ASIC2: variants seen among roughly 807,000 people sequenced by gnomAD.
ASIC2 encodes the protein acid-sensing ion channel 2.
A neutral mutation model predicts 57.3 loss-of-function variants in ASIC2; 25 were observed. That is an observed-to-expected ratio of 0.44 (90% CI 0.32 to 0.61). The LOEUF (loss-of-function observed/expected upper bound fraction) is 0.61, where lower values mean the gene tolerates loss of function less well. ASIC2 is among the 20% of genes least tolerant of loss of function. The probability of loss-of-function intolerance (pLI) is 0.06; values close to 1 mark genes in which losing one functional copy is unlikely to be tolerated. For synonymous variants in ASIC2, 319 were observed against 307.5 expected (o/e 1.04, Z -0.39); for missense variants, 641 against 738.1 (o/e 0.87, Z 1.52).
At chr17:33,955,494 G>C (rs974699263) in intron 1 of ASIC2, 1 of 152,210 alleles carries the variant, frequency 6.6e-6, no homozygotes, top group Non-Finnish European at 1.5e-5. Flanking sequence ...CTTCACCCCA[G>C]TGGTGCTGCT....
intron 1 of ASIC2, among the ~76,000 whole-genome samples, chr17:34,027,343 G>T (rs535472913): frequency 6.6e-6 from 1 of 152,078 alleles, no homozygotes; most frequent in Non-Finnish European, 1.5e-5. Context: ...ATTTAAGTTC[G>T]CTGACATCTT....
At chr17:33,424,068 G>C (rs1014463371) in intron 1 of ASIC2, among the ~76,000 whole-genome samples, 12 of 152,286 alleles carry the variant, frequency 7.9e-5, no homozygotes, top group South Asian at 4.1e-4. Flanking sequence ...GATGCCTTGG[G>C]GGGCTGGCAT....
chr17:33,765,390 G>A (rs915048532), intron 1 of ASIC2, among the ~76,000 whole-genome samples: 2 of 152,100 alleles, frequency 1.3e-5, no homozygotes, highest in African/African-American at 2.4e-5. Context: ...TTACAGGCGT[G>A]AGCCACCGCG....
chr17:33,761,048 G>A (rs992222933), intron 1 of ASIC2, among the ~76,000 whole-genome samples: 1 of 152,188 alleles, frequency 6.6e-6, no homozygotes, highest in Admixed American at 6.5e-5. Flanking sequence ...ACACCTGGAT[G>A]AGTGTGTACC....
intron 1 of ASIC2, among the ~76,000 whole-genome samples, chr17:33,714,804 AC>A (rs1337978174): frequency 9.3e-5 from 12 of 129,208 alleles, no homozygotes; most frequent in African/African-American, 2.7e-4. Context: ...TGATTCTGTG[AC>A]CTTTTTTTTT....
chr17:33,892,751 T>C (rs564323141), intron 1 of ASIC2, among the ~76,000 whole-genome samples: 10 of 152,332 alleles, frequency 6.6e-5, no homozygotes, highest in African/African-American at 2.4e-4. Flanking sequence ...AAAGTTACAA[T>C]GCAGGCAGTG....
chr17:33,842,813 A>G (rs1474771330), intron 1 of ASIC2, among the ~76,000 whole-genome samples: 1 of 152,158 alleles, frequency 6.6e-6, no homozygotes, highest in Admixed American at 6.5e-5. Context: ...GCCCACGAGA[A>G]CCCACTCACT....
At chr17:33,502,514 G>C (rs961272036) in intron 1 of ASIC2, among the ~76,000 whole-genome samples, 3 of 152,214 alleles carry the variant, frequency 2.0e-5, no homozygotes, top group Non-Finnish European at 4.4e-5. Flanking sequence ...CAAACTCCAG[G>C]GAAAGGGCAA....
rs7224859 is a variant in ASIC2 at position 33,364,136 on chromosome 17, T to G, written c.556-252069A>C. On this transcript the variant is annotated intron_variant, in intron 1 of 9. Coordinates refer to the ASIC2 transcript ENST00000359872. ...GGAGAAGGGTCACAAGTGGAACTCA[T>G]AGTCTAGGGCTCTTTCTGCAGCACC... is the stretch of plus-strand genomic sequence containing the variant. Among the ~76,000 whole-genome samples the G allele has an allele frequency of 5.7e-3, 870 of 152,282 alleles. 4 individuals carry two copies. Among genetic ancestry groups the G allele is most frequent in the African/African-American group, 0.02 (827 of 41,560 alleles).
At chr17:33,233,156 A>G (rs577184052) in intron 1 of ASIC2, among the ~76,000 whole-genome samples, 168 of 151,484 alleles carry the variant, frequency 1.1e-3, no homozygotes, top group African/African-American at 3.9e-3. Flanking sequence ...AATTCCTCAT[A>G]TACCCTCAGC....
At chr17:34,004,519 G>A (rs771861541) in intron 1 of ASIC2, 3 of 152,214 alleles carry the variant, frequency 2.0e-5, no homozygotes, top group Non-Finnish European at 4.4e-5. Flanking sequence ...TCCAAAGGAG[G>A]AATAGTGTGC....
intron 1 of ASIC2, among the ~76,000 whole-genome samples, chr17:33,310,165 T>C (rs1242494116): frequency 6.6e-6 from 1 of 151,892 alleles, no homozygotes; most frequent in African/African-American, 2.4e-5. Context: ...ATCCCTTTGA[T>C]ATCCATTTGT....
At chr17:33,924,287 G>A (rs146846047) in intron 1 of ASIC2, among the ~76,000 whole-genome samples, 2 of 152,332 alleles carry the variant, frequency 1.3e-5, no homozygotes, top group Non-Finnish European at 2.9e-5. Context: ...AGTGAGGCTT[G>A]CAGAGCGGGC....
intron 1 of ASIC2, among the ~76,000 whole-genome samples, chr17:33,483,545 G>C (rs1183100838): frequency 6.6e-6 from 1 of 152,218 alleles, no homozygotes; most frequent in African/African-American, 2.4e-5. Context: ...TTAGCTATGT[G>C]AGCTCATACA....
intron 3 of ASIC2, among the ~76,000 whole-genome samples, chr17:33,083,842 A>G (rs1211196043): frequency 6.6e-6 from 1 of 152,158 alleles, no homozygotes; most frequent in Non-Finnish European, 1.5e-5. Context: ...TGTAAGTTAC[A>G]GAAAGCCCTG....
intron 1 of ASIC2, among the ~76,000 whole-genome samples, chr17:33,261,437 G>T (rs913391544): frequency 1.3e-5 from 2 of 152,186 alleles, no homozygotes; most frequent in African/African-American, 4.8e-5. Context: ...AGGGGAAACT[G>T]CAAGGAAGCA....
intron 1 of ASIC2, among the ~76,000 whole-genome samples, chr17:33,539,469 G>A (rs192076570): frequency 1.3e-5 from 2 of 152,330 alleles, no homozygotes; most frequent in East Asian, 3.9e-4. Flanking sequence ...AGCATAGGCA[G>A]GGCAGCTCCA....
chr17:33,814,457 A>T (rs1912520064), intron 1 of ASIC2, among the ~76,000 whole-genome samples: 1 of 152,222 alleles, frequency 6.6e-6, no homozygotes, highest in Admixed American at 6.5e-5. Flanking sequence ...ACAGCAATGC[A>T]CCATTACAAG....
intron 3 of ASIC2, among the ~76,000 whole-genome samples, chr17:33,053,723 A>G (rs1598255005): frequency 6.6e-6 from 1 of 152,030 alleles, no homozygotes; most frequent in African/African-American, 2.4e-5. Context: ...GGGCCTTCCT[A>G]CCTCCAGTCT....
Sources: allele counts gnomAD v4.1 joint callset (sites outside exome capture counted in the v4.1 genomes callset), GRCh38; gene constraint gnomAD v4.1.1; transcripts MANE v1.5; gene names NCBI Gene and HGNC (gene_info 2026-07-23, HGNC 2026-07-21).